NRF1: variants seen among roughly 807,000 people sequenced by gnomAD.
NRF1 encodes the protein alpha palindromic-binding protein.
A neutral mutation model predicts 58.5 loss-of-function variants in NRF1; 5 were observed. The observed-to-expected ratio is 0.09, with a 90% CI of 0.04 to 0.18. The LOEUF (loss-of-function observed/expected upper bound fraction) is 0.18, where lower values mean the gene tolerates loss of function less well. NRF1 is among the 10% of genes least tolerant of loss of function. The pLI is 1.00. For synonymous variants in NRF1, 224 were observed against 246.7 expected (o/e 0.91, Z 0.86); for missense variants, 288 against 657.7 (o/e 0.44, Z 6.15).
chr7:129,699,148 T>G (rs752853670), intron 5 of NRF1, among the ~76,000 whole-genome samples: 2 of 152,220 alleles, frequency 1.3e-5, no homozygotes, highest in Non-Finnish European at 2.9e-5. Context: ...AACAGGATAG[T>G]AATTTACAGC....
intron 5 of NRF1, among the ~76,000 whole-genome samples, chr7:129,705,276 T>C (rs531205070): frequency 6.6e-6 from 1 of 151,172 alleles, no homozygotes; most frequent in South Asian, 2.1e-4. Context: ...GTCTTGTGGG[T>C]TTTTTTTGTT....
intron 2 of NRF1, among the ~76,000 whole-genome samples, chr7:129,664,194 A>C (rs926912867): frequency 5.3e-5 from 8 of 151,992 alleles, no homozygotes; most frequent in African/African-American, 1.9e-4. Context: ...GAGGGATCCA[A>C]TTTAAGGTTT....
intron 5 of NRF1, among the ~76,000 whole-genome samples, chr7:129,698,878 C>T (rs540648928): frequency 1.3e-5 from 2 of 152,286 alleles, no homozygotes; most frequent in South Asian, 4.1e-4. Flanking sequence ...ATCAGTTCTG[C>T]TCTTTACCAG....
At chr7:129,728,613 A>G (rs1049704750) in intron 10 of NRF1, among the ~76,000 whole-genome samples, 5 of 152,236 alleles carry the variant, frequency 3.3e-5, no homozygotes, top group Admixed American at 2.6e-4. Flanking sequence ...TAGGTGCCTA[A>G]GAACCGAATG....
chr7:129,744,188 A>G, intron 10 of NRF1: 1 of 1,540,650 alleles, frequency 6.5e-7, no homozygotes, highest in African/African-American at 1.4e-5. Flanking sequence ...TTTATGGCAG[A>G]TCGTGCAGGT....
intron 10 of NRF1, among the ~76,000 whole-genome samples, chr7:129,746,713 A>G (rs112490608): frequency 0.014 from 2,142 of 152,354 alleles, 61 homozygotes; most frequent in African/African-American, 0.048. Context: ...CATTTGGGCC[A>G]GTATTTCTTT....
chr7:129,682,620 C>CA (rs1247160052), intron 4 of NRF1, among the ~76,000 whole-genome samples: 17 of 102,024 alleles, frequency 1.7e-4, no homozygotes, highest in African/African-American at 6.0e-4. Context: ...CCTGTCTCTG[C>CA]AAAAAAATGT....
chr7:129,681,618 C>T (rs1353965163), intron 4 of NRF1, among the ~76,000 whole-genome samples: 1 of 152,196 alleles, frequency 6.6e-6, no homozygotes, highest in African/African-American at 2.4e-5. Context: ...CAGTTGCCCA[C>T]CTTAGAGTGT....
intron 1 of NRF1, among the ~76,000 whole-genome samples, chr7:129,646,605 A>C (rs914271320): frequency 1.3e-5 from 2 of 152,200 alleles, no homozygotes; most frequent in African/African-American, 2.4e-5. Context: ...AACCACCAGG[A>C]GAGAAGAGGC....
At chr7:129,645,559 GTAGA>G (rs1801386675) in intron 1 of NRF1, among the ~76,000 whole-genome samples, 1 of 152,218 alleles carries the variant, frequency 6.6e-6, no homozygotes, top group South Asian at 2.1e-4. Context: ...AGTTAGGATG[GTAGA>G]TAAAGGTCAA....
chr7:129,675,562 T>C (rs890230461), intron 3 of NRF1, among the ~76,000 whole-genome samples: 8 of 152,232 alleles, frequency 5.3e-5, no homozygotes, highest in Admixed American at 1.3e-4. Flanking sequence ...AGAATGGATG[T>C]TATCTTAGCA....
At chr7:129,700,404 G>C (rs758479798) in intron 5 of NRF1, among the ~76,000 whole-genome samples, 1 of 152,154 alleles carries the variant, frequency 6.6e-6, no homozygotes, top group Non-Finnish European at 1.5e-5. Context: ...ATAGTCTTCA[G>C]GGATGGATCT....
intron 1 of NRF1, among the ~76,000 whole-genome samples, chr7:129,619,395 TGTA>T (rs1800723073): frequency 2.5e-5 from 1 of 39,878 alleles, no homozygotes; most frequent in East Asian, 1.1e-3. Context: ...TTGGCATACG[TGTA>T]TATATATATA....
intron 1 of NRF1, among the ~76,000 whole-genome samples, chr7:129,617,825 G>A (rs145433040): frequency 3.3e-5 from 5 of 152,260 alleles, no homozygotes; most frequent in African/African-American, 1.2e-4. Context: ...GGGAGTAGCT[G>A]CATTACTGAT....
rs1239675958 is a variant in NRF1, at chr7:129,756,227, CACAGAGGAGGCGCTGGAATGA to C, written c.*1050_*1070del. On this transcript the variant is annotated 3_prime_UTR_variant, in exon 11 of 11. Coordinates refer to ENST00000393232, the MANE Select transcript of NRF1 (RefSeq NM_005011.5). ...CAATTTTCTCTACTGTCTGTAGCTT[CACAGAGGAGGCGCTGGAATGA>C]ACAAGAAGAGACATCTGGTCTGTGG... 1 of 152,208 alleles carries C rather than the reference CACAGAGGAGGCGCTGGAATGA, an allele frequency of 6.6e-6. No individual in the cohort carries two copies. Among genetic ancestry groups the C allele is most frequent in the African/African-American group, 2.4e-5 (1 of 41,416 alleles). The allele number at this position is 152,208 out of a possible 1,614,324, so 9.4% of individuals were successfully genotyped here. A position where few individuals can be genotyped will look rare whatever the true frequency, so the allele number is the denominator to read the frequency against.
chr7:129,684,583 AG>A (rs1440395024), intron 4 of NRF1, among the ~76,000 whole-genome samples: 1 of 152,214 alleles, frequency 6.6e-6, no homozygotes, highest in East Asian at 1.9e-4. Flanking sequence ...TAAACATTTA[AG>A]GTACAAATAA....
intron 1 of NRF1, among the ~76,000 whole-genome samples, chr7:129,648,213 C>T (rs569436091): frequency 2.6e-5 from 4 of 151,308 alleles, no homozygotes; most frequent in Non-Finnish European, 5.9e-5. Flanking sequence ...GTAATGCCTC[C>T]ATAACTCTAA....
At position 129,654,218 on chromosome 7, in the gene NRF1, C is replaced by T. The variant is rs112470121; in HGVS notation, c.-6-3128C>T. 8.2e-3 allele frequency among the ~76,000 whole-genome samples: 1,255 copies of T among 152,328 alleles called. 11 individuals are homozygous for T. Among genetic ancestry groups the T allele is most frequent in the Non-Finnish European group, 0.013 (857 of 68,032 alleles). The stretch of plus-strand genomic sequence containing the variant: ...GTTTTAATTTGTAATTCTCCCTTGA[C>T]ATATGATGTTGAGCATCTTTTCATA... On this transcript the variant is annotated intron_variant, in intron 1 of 10. Coordinates refer to ENST00000393232, the MANE Select transcript of NRF1 (RefSeq NM_005011.5).
At chr7:129,724,140 T>G (rs1803396810) in intron 9 of NRF1, among the ~76,000 whole-genome samples, 1 of 152,166 alleles carries the variant, frequency 6.6e-6, no homozygotes, top group Non-Finnish European at 1.5e-5. Flanking sequence ...ATTTGCAAAT[T>G]GTATCTGATA....
Sources: gnomAD v4.1 joint callset for allele counts (sites outside exome capture counted in the v4.1 genomes callset) on GRCh38, gnomAD v4.1.1 for gene constraint, MANE v1.5 for transcripts, NCBI Gene and HGNC (gene_info 2026-07-23, HGNC 2026-07-21) for gene names.